MGMT: variants seen among roughly 807,000 people sequenced by gnomAD.
MGMT encodes O-6-methylguanine-DNA methyltransferase.
MGMT carries 14 observed loss-of-function variants against 15.9 expected under a neutral mutation model. The observed-to-expected ratio is 0.88, with a 90% CI of 0.58 to 1.37. The LOEUF (loss-of-function observed/expected upper bound fraction) is 1.37. Among genes scored for constraint, MGMT ranks in the 40% most tolerant of loss-of-function variants. The pLI, the probability that MGMT is intolerant of heterozygous loss-of-function variation, is 0.00. For missense variants in MGMT, 282 were observed against 268.1 expected (o/e 1.05, Z -0.36); for synonymous variants, 130 against 118.2 (o/e 1.10, Z -0.65).
chr10:129,747,390 TATC>T (rs1391145085), intron 3 of MGMT, among the ~76,000 whole-genome samples: 1 of 152,216 alleles, frequency 6.6e-6, no homozygotes, highest in Non-Finnish European at 1.5e-5. Flanking sequence ...TGAGAGCTTT[TATC>T]ATGAATAGGT....
At chr10:129,544,025 A>G (rs189585006) in intron 2 of MGMT, among the ~76,000 whole-genome samples, 1 of 145,676 alleles carries the variant, frequency 6.9e-6, no homozygotes, top group African/African-American at 2.6e-5. Flanking sequence ...TGGTATGTTA[A>G]AATAAAACCC....
chr10:129,707,388 G>T lies in MGMT; in HGVS notation c.126-507G>T, dbSNP rs563836658. Among the ~76,000 whole-genome samples the T allele has an allele frequency of 3.9e-5, 6 of 151,984 alleles. No homozygotes were observed. The South Asian group carries it at 1.0e-3, about 26-fold the overall frequency. ...CAGACTCACCGATGAAGGAAACACA[G>T]AGTAGGCCCTCTGGAGCGTGGGAAT... is the stretch of plus-strand genomic sequence containing the variant. On this transcript the variant is annotated intron_variant, in intron 2 of 4. Coordinates refer to ENST00000651593, the MANE Select transcript of MGMT (RefSeq NM_002412.5).
chr10:129,707,880 T>C lies in MGMT; in HGVS notation c.126-15T>C, dbSNP rs1241916513. On this transcript the variant is annotated splice_polypyrimidine_tract_variant and intron_variant, in intron 2 of 4. Coordinates refer to ENST00000651593, the MANE Select transcript of MGMT (RefSeq NM_002412.5). ...GGCCCAGAGGTTTACTAAGCCCCTG[T>C]TCTCACTTTTGCAGTGCCGTGGAGG... 1.2e-6 allele frequency: 2 copies of C among 1,610,334 alleles called. No homozygotes were observed. Among genetic ancestry groups the C allele is most frequent in the Admixed American group, 3.3e-5 (2 of 59,998 alleles).
chr10:129,541,714 AT>A (rs1055466403), intron 2 of MGMT, among the ~76,000 whole-genome samples: 1 of 152,176 alleles, frequency 6.6e-6, no homozygotes, highest in Non-Finnish European at 1.5e-5. Flanking sequence ...TCAGAAAAAT[AT>A]AGGAAAAGCT....
intron 2 of MGMT, among the ~76,000 whole-genome samples, chr10:129,577,259 G>A (rs1342686993): frequency 6.6e-6 from 1 of 152,022 alleles, no homozygotes; most frequent in Admixed American, 6.6e-5. Flanking sequence ...CAAAGCTGGA[G>A]GCATCACGCT....
chr10:129,540,872 A>G (rs1389616950), intron 2 of MGMT, among the ~76,000 whole-genome samples: 1 of 151,124 alleles, frequency 6.6e-6, no homozygotes, highest in Non-Finnish European at 1.5e-5. Context: ...GCCTTCCCTC[A>G]TCTCGGGGTG....
chr10:129,475,226 A>G (rs1845277570), intron 1 of MGMT, among the ~76,000 whole-genome samples: 1 of 152,002 alleles, frequency 6.6e-6, no homozygotes, highest in Non-Finnish European at 1.5e-5. Flanking sequence ...GGTGGGGAGC[A>G]TTGAGGCCAC....
At chr10:129,642,708 G>A (rs78430313) in intron 2 of MGMT, among the ~76,000 whole-genome samples, 7,310 of 152,206 alleles carry the variant, frequency 0.048, 215 homozygotes, top group Middle Eastern at 0.088. Context: ...ATGCTTCCAC[G>A]TTTTCTAAGC....
At chr10:129,723,956 G>A (rs1439426444) in intron 3 of MGMT, among the ~76,000 whole-genome samples, 1 of 152,174 alleles carries the variant, frequency 6.6e-6, no homozygotes, top group African/African-American at 2.4e-5. Context: ...TTTGCAAAAG[G>A]TCTAGCAGCT....
chr10:129,728,365 G>A (rs1848456978), intron 3 of MGMT, among the ~76,000 whole-genome samples: 1 of 152,188 alleles, frequency 6.6e-6, no homozygotes, highest in South Asian at 2.1e-4. Flanking sequence ...GCAGCATAGG[G>A]AGTGGGTGAC....
chr10:129,760,285 G>A (rs368285701), intron 4 of MGMT, among the ~76,000 whole-genome samples: 12 of 152,228 alleles, frequency 7.9e-5, no homozygotes, highest in South Asian at 4.1e-4. Flanking sequence ...CCCCGTCTGC[G>A]TGGCCCATTG....
At chr10:129,629,985 A>G (rs1270361350) in intron 2 of MGMT, among the ~76,000 whole-genome samples, 1 of 152,238 alleles carries the variant, frequency 6.6e-6, no homozygotes, top group African/African-American at 2.4e-5. Context: ...CAAGGCCCTC[A>G]CACACACGGA....
intron 3 of MGMT, among the ~76,000 whole-genome samples, chr10:129,708,836 G>A (rs1848198311): frequency 6.6e-6 from 1 of 152,056 alleles, no homozygotes; most frequent in Non-Finnish European, 1.5e-5. Context: ...TAGATGTGGT[G>A]AATTTAAAGC....
chr10:129,733,529 A>G lies in MGMT; in HGVS notation c.274+25486A>G, dbSNP rs1239344624. ...TAGGTTGCCTGTTCACTCTGATGGT[A>G]GTTTCTTTTGCTGTGCAGAAGCTCT... On this transcript the variant is annotated intron_variant, in intron 3 of 4. Transcript: ENST00000651593. Among the ~76,000 whole-genome samples the G allele has an allele frequency of 4.0e-5, 6 of 149,964 alleles. No homozygotes were observed. The East Asian group carries it at 6.0e-4, about 15-fold the overall frequency.
At chr10:129,608,104 C>T (rs1357793615) in intron 2 of MGMT, among the ~76,000 whole-genome samples, 1 of 152,120 alleles carries the variant, frequency 6.6e-6, no homozygotes, top group African/African-American at 2.4e-5. Context: ...GCATCCAAAA[C>T]GACTTGGAGC....
chr10:129,675,675 C>A (rs1203307492), intron 2 of MGMT, among the ~76,000 whole-genome samples: 2 of 152,114 alleles, frequency 1.3e-5, no homozygotes, highest in Non-Finnish European at 2.9e-5. Flanking sequence ...CTCAGAGAAG[C>A]AGCATGTGTC....
chr10:129,471,044 C>T (rs1015802004), intron 1 of MGMT, among the ~76,000 whole-genome samples: 1 of 152,212 alleles, frequency 6.6e-6, no homozygotes, highest in African/African-American at 2.4e-5. Flanking sequence ...CCCAGCCCTG[C>T]CGCCCATTCC....
Position 129,587,325 on chromosome 10 carries a change from T to G in MGMT, c.125+50948T>G, listed in dbSNP as rs562125526. Among the ~76,000 whole-genome samples, 225 of 141,030 alleles carry G rather than the reference T, an allele frequency of 1.6e-3. 2 individuals are homozygous for G. The highest frequency in any genetic ancestry group is 5.0e-3 in the African/African-American group (203 of 40,324). 92.5% of individuals were successfully genotyped at this position (141,030 alleles called of 152,430 possible). On this transcript the variant is annotated intron_variant, in intron 2 of 4. Transcript: ENST00000651593. ...GTTCTCTAATATTGTGATTTTTTTG[T>G]TTTTTTTGCAGTGTTTTATTTTGGT...
chr10:129,693,107 T>C (rs973438482), intron 2 of MGMT, among the ~76,000 whole-genome samples: 9 of 152,252 alleles, frequency 5.9e-5, no homozygotes, highest in Admixed American at 5.2e-4. Flanking sequence ...GGATTATTCT[T>C]GTACCTGTAC....
Sources: allele counts gnomAD v4.1 joint callset (sites outside exome capture counted in the v4.1 genomes callset), GRCh38; gene constraint gnomAD v4.1.1; transcripts MANE v1.5; gene names NCBI Gene and HGNC (gene_info 2026-07-23, HGNC 2026-07-21).